The following CLIP1 variants were observed in gnomAD, a reference collection of about 807,000 sequenced individuals.
CLIP1 encodes the protein CAP-Gly domain containing linker protein 1, also known as CAP-Gly domain-containing linker protein 1.
Under a neutral mutation model 161.6 loss-of-function variants are expected in CLIP1, and 66 were observed. The observed-to-expected ratio is 0.41, with a 90% confidence interval of 0.33 to 0.50. The LOEUF (loss-of-function observed/expected upper bound fraction) is 0.50. Ranked by LOEUF, CLIP1 falls within the 20% of genes least tolerant of loss-of-function variation. The pLI is 0.27. For synonymous variants in CLIP1, 598 were observed against 626.2 expected (o/e 0.96, Z 0.67); for missense variants, 1,376 against 1,702.0 (o/e 0.81, Z 3.37).
Position 122,274,173 on chromosome 12 carries a change from A to T in CLIP1, c.3967-11T>A, listed in dbSNP as rs775739634. On this transcript the variant is annotated splice_polypyrimidine_tract_variant and intron_variant, in intron 24 of 25. Coordinates refer to ENST00000620786, the MANE Select transcript of CLIP1 (RefSeq NM_001247997.2). ...ATTTAGGAAATCAATCTGATTTGTT[A>T]AAAAAAAAATGTGTAAAATGTCAAG... 2 of 1,167,368 alleles carry T rather than the reference A, an allele frequency of 1.7e-6. No individual in the cohort carries two copies. The highest frequency in any genetic ancestry group is 6.2e-5 in the East Asian group (2 of 32,308). 72.3% of individuals were successfully genotyped at this position (1,167,368 alleles called of 1,614,324 possible).
intron 1 of CLIP1, among the ~76,000 whole-genome samples, chr12:122,384,076 T>C (rs907350606): frequency 1.3e-5 from 2 of 152,178 alleles, no homozygotes; most frequent in African/African-American, 4.8e-5. Context: ...CCACTATTAT[T>C]ACCTCTTTTT....
In CLIP1 at chr12:122,279,433, TA is replaced by T. The variant is rs11333609; in HGVS notation, c.3648-289del. ...TTAATAAATTTGGAAGAGGTAGAAT[TA>T]AAAAAAAAAAAAACGGTTGCACCCT... On this transcript the variant is annotated intron_variant, in intron 21 of 25. Transcript: ENST00000620786. This position sits in a 1 kb window ranked among gnomAD's most constrained non-coding sequence, Gnocchi z 4.5. 0.37 allele frequency: 53,985 copies of T among 145,144 alleles called. 9,778 individuals carry two copies. The highest frequency in any genetic ancestry group is 0.64 in the East Asian group (3,274 of 5,140). 9.0% of individuals were successfully genotyped at this position (145,144 alleles called of 1,614,324 possible). A position where few individuals can be genotyped will look rare whatever the true frequency, so the allele number is the denominator to read the frequency against.
intron 1 of CLIP1, among the ~76,000 whole-genome samples, chr12:122,389,786 A>AAAAAAT (rs1955511373): frequency 7.1e-6 from 1 of 141,826 alleles, no homozygotes; most frequent in African/African-American, 2.6e-5. Context: ...AAAAAAAAGA[A>AAAAAAT]TTTATAATGT....
At chr12:122,345,465 CT>C (rs532249907) in intron 10 of CLIP1, among the ~76,000 whole-genome samples, 1 of 151,850 alleles carries the variant, frequency 6.6e-6, no homozygotes, top group African/African-American at 2.4e-5. Flanking sequence ...CTGGCCCACT[CT>C]TTTTTTGTTT....
At chr12:122,377,311 ATG>A (rs1440467507) in intron 3 of CLIP1, 76 bp downstream of exon 3, 2 of 1,339,734 alleles carry the variant, frequency 1.5e-6, no homozygotes, top group African/African-American at 2.9e-5. Flanking sequence ...CCCAGCCCTG[ATG>A]TGTGTGTATT....
intron 24 of CLIP1, chr12:122,275,961 T>C (rs1048299351): frequency 6.6e-6 from 1 of 152,548 alleles, no homozygotes; most frequent in South Asian, 2.1e-4. Context: ...GACAACAAGA[T>C]GGCCAACAGG....
At chr12:122,353,366 C>T (rs1260380331) in intron 7 of CLIP1, among the ~76,000 whole-genome samples, 1 of 152,112 alleles carries the variant, frequency 6.6e-6, no homozygotes, top group African/African-American at 2.4e-5. Context: ...AAATAAGCCA[C>T]CTGTAATCCT....
intron 20 of CLIP1, among the ~76,000 whole-genome samples, chr12:122,304,535 A>G (rs552284847): frequency 6.6e-6 from 1 of 152,080 alleles, no homozygotes; most frequent in Admixed American, 6.6e-5. Context: ...TAATTTTTGT[A>G]TTTGTTATTA....
chr12:122,383,896 T>C (rs1457611250), intron 1 of CLIP1, among the ~76,000 whole-genome samples: 1 of 152,120 alleles, frequency 6.6e-6, no homozygotes, highest in Non-Finnish European at 1.5e-5. Context: ...ATTTGAATTT[T>C]TGACACTTGT....
chr12:122,370,947 G>A (rs1954416700), intron 3 of CLIP1, among the ~76,000 whole-genome samples: 1 of 134,720 alleles, frequency 7.4e-6, no homozygotes, highest in Non-Finnish European at 1.5e-5. Context: ...AACAGAGCAG[G>A]ACTCTGTCTC....
rs1951003005 is a variant in CLIP1, at chr12:122,309,806, C to T, written c.3550G>A (p.Glu1184Lys). 6.2e-7 allele frequency: 1 copy of T among 1,613,360 alleles called. No homozygotes were observed. The highest frequency in any genetic ancestry group is 1.7e-5 in the Admixed American group (1 of 60,004). ...ALQEENVKLA[E>K]ELGRSRDEVT... Reference sequence around the variant, plus strand: ...TCGTCCCTGCTTCTCCCCAGCTCCTCAGCAAGTTTAACGTTCTCTTCTTGC... The same window carrying T: ...TCGTCCCTGCTTCTCCCCAGCTCCTTAGCAAGTTTAACGTTCTCTTCTTGC... The change falls in exon 20 of 26, where the codon GAG becomes AAG. Residue 1184 changes from glutamate (E) to lysine (K), a missense_variant. Glu to Lys is a moderately conservative substitution (Grantham distance 56). This residue lies in a region of CLIP1 where 948 missense variants were observed against 1,134.8 expected (regional missense o/e 0.84). Coordinates refer to ENST00000620786, the MANE Select transcript of CLIP1 (RefSeq NM_001247997.2).
chr12:122,350,244 G>A (rs1952968097), intron 9 of CLIP1, among the ~76,000 whole-genome samples: 1 of 152,092 alleles, frequency 6.6e-6, no homozygotes, highest in Admixed American at 6.6e-5. Context: ...GCTGCCAGGA[G>A]GTGGTAGGAA....
chr12:122,307,502 C>G (rs1845188743), intron 20 of CLIP1, among the ~76,000 whole-genome samples: 1 of 152,144 alleles, frequency 6.6e-6, no homozygotes, highest in Non-Finnish European at 1.5e-5. Context: ...CTAGTCTCCA[C>G]TGTCTCGATT....
intron 9 of CLIP1, 149 bp downstream of exon 9, chr12:122,350,962 G>A (rs926937064): frequency 1.2e-5 from 6 of 518,578 alleles, no homozygotes; most frequent in Non-Finnish European, 1.7e-5. Flanking sequence ...AAATGTAATT[G>A]CTTTGAAAGC....
intron 15 of CLIP1, among the ~76,000 whole-genome samples, chr12:122,331,994 CA>C (rs1042219501): frequency 1.4e-5 from 2 of 147,676 alleles, no homozygotes; most frequent in East Asian, 2.0e-4. Context: ...GACTCTATCT[CA>C]AAAAAAAATA....
chr12:122,368,939 G>T (rs1954298096), intron 3 of CLIP1, among the ~76,000 whole-genome samples: 1 of 151,024 alleles, frequency 6.6e-6, no homozygotes, highest in African/African-American at 2.4e-5. Flanking sequence ...ATGGTTAGCT[G>T]GTATTTGCCA....
At chr12:122,352,882 G>T (rs1273127089) in intron 7 of CLIP1, 96 bp from the exon 8 acceptor site, 3 of 1,011,282 alleles carry the variant, frequency 3.0e-6, no homozygotes, top group Middle Eastern at 2.1e-4. Context: ...CGTTGGGCAT[G>T]GTAGGCCACT....
rs145675326 is a variant in CLIP1 at position 122,304,581 on chromosome 12, G to A, written c.3594+5181C>T. Among the ~76,000 whole-genome samples the A allele has an allele frequency of 9.8e-3, 1,488 of 152,204 alleles. 29 individuals are homozygous for A. Among genetic ancestry groups the A allele is most frequent in the South Asian group, 0.065 (314 of 4,816 alleles). On this transcript the variant is annotated intron_variant, in intron 20 of 25. Transcript: ENST00000620786. The stretch of plus-strand genomic sequence containing the variant: ...TTCACCATGTTTCTCAGCTAGTCTC[G>A]AACTCCTGACCTCAGGTGATCTGTC...
At chr12:122,422,116 C>T (rs1279508057) in intron 1 of CLIP1, among the ~76,000 whole-genome samples, 1 of 152,118 alleles carries the variant, frequency 6.6e-6, no homozygotes, top group African/African-American at 2.4e-5. Flanking sequence ...AGGTCCCGCC[C>T]GGCTTCGGCC....
Sources: allele counts gnomAD v4.1 joint callset (sites outside exome capture counted in the v4.1 genomes callset), GRCh38; gene constraint gnomAD v4.1.1; regional missense constraint gnomAD v4.1.1; non-coding constraint Gnocchi (gnomAD v3.1); transcripts MANE v1.5; gene names NCBI Gene and HGNC (gene_info 2026-07-23, HGNC 2026-07-21).